EVI5: variants seen among roughly 807,000 people sequenced by gnomAD.
EVI5 encodes ecotropic viral integration site 5.
A neutral mutation model predicts 112.0 loss-of-function variants in EVI5; 73 were observed. That is an observed-to-expected ratio of 0.65 (90% CI 0.54 to 0.79). The LOEUF (loss-of-function observed/expected upper bound fraction) is 0.79, where lower values mean the gene tolerates loss of function less well. EVI5 is among the 30% of genes least tolerant of loss of function. EVI5 has a pLI of 0.00. For synonymous variants in EVI5, 305 were observed against 319.9 expected, an observed-to-expected ratio of 0.95 and a Z score of 0.50; for missense variants, 900 against 968.8, an observed-to-expected ratio of 0.93 and a Z score of 0.94.
intron 1 of EVI5, among the ~76,000 whole-genome samples, chr1:92,750,487 C>T (rs1053323009): frequency 6.6e-6 from 1 of 152,158 alleles, no homozygotes; most frequent in Non-Finnish European, 1.5e-5. Context: ...CTGAAAAACA[C>T]CACAATCATC....
intron 13 of EVI5, among the ~76,000 whole-genome samples, chr1:92,641,602 T>C (rs1337523858): frequency 6.6e-6 from 1 of 152,178 alleles, no homozygotes; most frequent in Non-Finnish European, 1.5e-5. Context: ...AGATGGCACA[T>C]TTGGACCGCC....
intron 1 of EVI5, among the ~76,000 whole-genome samples, chr1:92,778,391 C>A (rs186944147): frequency 6.6e-6 from 1 of 152,194 alleles, no homozygotes; most frequent in East Asian, 1.9e-4. Context: ...GTGGCCCCAC[C>A]CTCAATGTGG....
intron 10 of EVI5, among the ~76,000 whole-genome samples, chr1:92,676,070 T>C (rs973519719): frequency 1.2e-4 from 18 of 145,836 alleles, no homozygotes; most frequent in Non-Finnish European, 2.4e-4. Flanking sequence ...GTCTTTTCTA[T>C]ATATATAAAA....
chr1:92,637,695 AC>A (rs1659171885), intron 13 of EVI5, among the ~76,000 whole-genome samples: 1 of 152,198 alleles, frequency 6.6e-6, no homozygotes. Context: ...GTCATAAAAA[AC>A]AATCTTCTAC....
chr1:92,586,861 GA>G (rs1233309077), intron 18 of EVI5, among the ~76,000 whole-genome samples: 1 of 151,832 alleles, frequency 6.6e-6, no homozygotes, highest in Non-Finnish European at 1.5e-5. Flanking sequence ...ATTTCTGTGA[GA>G]AGCCCTGGTC....
chr1:92,737,376 T>G (rs1677617190), intron 1 of EVI5, among the ~76,000 whole-genome samples: 1 of 152,184 alleles, frequency 6.6e-6, no homozygotes. Flanking sequence ...AAGCCAAATG[T>G]CAAGCGTTGG....
chr1:92,731,472 T>C (rs948135875), intron 2 of EVI5, among the ~76,000 whole-genome samples: 1 of 152,184 alleles, frequency 6.6e-6, no homozygotes, highest in Non-Finnish European at 1.5e-5. Flanking sequence ...ATTGTGTTCA[T>C]GGGGAGGAAG....
intron 5 of EVI5, among the ~76,000 whole-genome samples, chr1:92,701,658 A>C (rs1467837621): frequency 6.6e-6 from 1 of 152,040 alleles, no homozygotes; most frequent in Non-Finnish European, 1.5e-5. Context: ...TAACAAAGTT[A>C]TATCCCTAGG....
intron 14 of EVI5, among the ~76,000 whole-genome samples, 193 bp downstream of exon 14, chr1:92,636,009 G>A (rs1377682384): frequency 6.6e-6 from 1 of 152,158 alleles, no homozygotes; most frequent in Non-Finnish European, 1.5e-5. Context: ...ATACGGGGCT[G>A]TGATTAGTAT....
At chr1:92,618,846 A>C (rs566324528) in intron 16 of EVI5, among the ~76,000 whole-genome samples, 1 of 152,240 alleles carries the variant, frequency 6.6e-6, no homozygotes, top group Admixed American at 6.5e-5. Context: ...ATTTGTACTA[A>C]GAAAATATAT....
At chr1:92,561,215 TAC>T (rs905762765) in intron 19 of EVI5, among the ~76,000 whole-genome samples, 1 of 152,196 alleles carries the variant, frequency 6.6e-6, no homozygotes, top group African/African-American at 2.4e-5. Flanking sequence ...ATTATATTTC[TAC>T]AGTTTTTTTC....
chr1:92,570,173 C>T (rs962934412), intron 18 of EVI5, among the ~76,000 whole-genome samples: 4 of 152,148 alleles, frequency 2.6e-5, no homozygotes, highest in African/African-American at 9.7e-5. Flanking sequence ...AGGTATTCTC[C>T]AAATCCCATA....
chr1:92,661,368 C>A (rs2102163024), intron 13 of EVI5, among the ~76,000 whole-genome samples: 1 of 152,146 alleles, frequency 6.6e-6, no homozygotes, highest in South Asian at 2.1e-4. Context: ...TCACTATAAA[C>A]CAGCATTCTA....
Position 92,534,443 on chromosome 1 carries a change from A to G in EVI5, c.2167-20473T>C, listed in dbSNP as rs188690587. On this transcript the variant is annotated intron_variant, in intron 19 of 19. Coordinates refer to ENST00000684568, the MANE Select transcript of EVI5 (RefSeq NM_001350197.2). ...TGGAAAAAACTACTTTAAATTTCAT[A>G]TGGAACCAAAAAAGAGCCCGTATAG... Among the ~76,000 whole-genome samples the G allele has an allele frequency of 5.6e-3, 848 of 152,320 alleles. 2 individuals are homozygous for G. Among genetic ancestry groups the G allele is most frequent in the Non-Finnish European group, 6.9e-3 (470 of 68,026 alleles).
intron 18 of EVI5, among the ~76,000 whole-genome samples, chr1:92,600,478 G>C (rs1648913436): frequency 6.6e-6 from 1 of 152,168 alleles, no homozygotes; most frequent in Non-Finnish European, 1.5e-5. Context: ...TTATTGGTAA[G>C]GGGAAACAGG....
At chr1:92,764,352 G>A (rs116631966) in intron 1 of EVI5, among the ~76,000 whole-genome samples, 2,252 of 152,296 alleles carry the variant, frequency 0.015, 24 homozygotes, top group Non-Finnish European at 0.024. Flanking sequence ...GTATTACTCA[G>A]TTTTAGCATT....
rs780880153 is a variant in EVI5, at chr1:92,736,632, G to C, written c.-81-5C>G. 2.5e-5 allele frequency: 40 copies of C among 1,602,704 alleles called. No individual in the cohort carries two copies. In the East Asian group the frequency reaches 6.7e-4, roughly 27 times the overall value. ...TGCAACTTTGTCTGTCGCCACCTAA[G>C]GACAAAAATAAAAGTTGCATATACT... On this transcript the variant is annotated splice_polypyrimidine_tract_variant and splice_region_variant and intron_variant, in intron 1 of 19. Coordinates refer to ENST00000684568, the MANE Select transcript of EVI5 (RefSeq NM_001350197.2).
chr1:92,747,250 T>C (rs1302788430), intron 1 of EVI5, among the ~76,000 whole-genome samples: 1 of 152,212 alleles, frequency 6.6e-6, no homozygotes, highest in Admixed American at 6.5e-5. Flanking sequence ...AAGATGTGTG[T>C]ATATTATATA....
At chr1:92,607,373 C>T (rs557567311) in intron 17 of EVI5, 97 of 414,106 alleles carry the variant, frequency 2.3e-4, no homozygotes, top group Middle Eastern at 6.1e-4. Flanking sequence ...AAGGAAGTGA[C>T]TGAAAATGTT....
Sources: allele counts gnomAD v4.1 joint callset (sites outside exome capture counted in the v4.1 genomes callset), GRCh38; gene constraint gnomAD v4.1.1; transcripts MANE v1.5; gene names NCBI Gene and HGNC (gene_info 2026-07-23, HGNC 2026-07-21).